The following ITPR1 variants were observed in gnomAD, a reference collection of about 807,000 sequenced individuals.
ITPR1 encodes the protein inositol 1,4,5-trisphosphate receptor type 1.
ITPR1 carries 96 observed loss-of-function variants against 318.4 expected under a neutral mutation model. The observed-to-expected ratio is 0.30, with a 90% confidence interval of 0.26 to 0.36. The LOEUF is 0.36. Ranked by LOEUF, ITPR1 falls within the 10% of genes least tolerant of loss-of-function variation. ITPR1 has a pLI of 1.00. For synonymous variants in ITPR1, 1,312 were observed against 1,289.9 expected (o/e 1.02, Z -0.37); for missense variants, 2,440 against 3,460.2 (o/e 0.71, Z 7.40).
intron 44 of ITPR1, chr3:4,751,114 C>G (rs978709953): frequency 2.6e-5 from 4 of 152,636 alleles, no homozygotes; most frequent in African/African-American, 9.7e-5. Context: ...TCCATGCATC[C>G]TCCTTTGTCC....
chr3:4,736,454 C>A (rs1185926803), intron 44 of ITPR1, among the ~76,000 whole-genome samples: 1 of 152,242 alleles, frequency 6.6e-6, no homozygotes, highest in Admixed American at 6.5e-5. Flanking sequence ...AGCCAGCACC[C>A]TTGTGCCTTG....
intron 14 of ITPR1, 53 bp downstream of exon 14, chr3:4,661,140 G>C (rs555467678): frequency 1.9e-6 from 2 of 1,051,572 alleles, no homozygotes; most frequent in Non-Finnish European, 3.0e-6. Flanking sequence ...CCTAATGAAA[G>C]GGCTCCTTTG....
intron 4 of ITPR1, among the ~76,000 whole-genome samples, chr3:4,530,006 C>G (rs533393734): frequency 2.0e-5 from 3 of 152,278 alleles, no homozygotes; most frequent in Admixed American, 6.5e-5. Flanking sequence ...CTCTTAACAG[C>G]TACTCTAAAC....
chr3:4,822,172 C>G (rs2049770346), intron 60 of ITPR1, among the ~76,000 whole-genome samples: 1 of 152,182 alleles, frequency 6.6e-6, no homozygotes, highest in Non-Finnish European at 1.5e-5. Context: ...GGGTGGTAGA[C>G]ATGAGCTAAA....
chr3:4,624,735 A>G (rs1218283576), intron 4 of ITPR1, among the ~76,000 whole-genome samples: 2 of 151,376 alleles, frequency 1.3e-5, no homozygotes, highest in Non-Finnish European at 2.9e-5. Context: ...GTTGTTTATT[A>G]TAGTTTTATA....
chr3:4,555,694 C>T (rs2125007605), intron 4 of ITPR1, among the ~76,000 whole-genome samples: 1 of 152,186 alleles, frequency 6.6e-6, no homozygotes, highest in South Asian at 2.1e-4. Flanking sequence ...TGTAATCAGC[C>T]ATTCTCTGAG....
At chr3:4,763,757 C>A (rs527461465) in intron 44 of ITPR1, among the ~76,000 whole-genome samples, 1 of 152,374 alleles carries the variant, frequency 6.6e-6, no homozygotes, top group Non-Finnish European at 1.5e-5. Flanking sequence ...CTGGCCCTGT[C>A]TCATCTCATA....
At chr3:4,603,206 G>A (rs551292363) in intron 4 of ITPR1, among the ~76,000 whole-genome samples, 5 of 151,874 alleles carry the variant, frequency 3.3e-5, no homozygotes, top group Admixed American at 6.6e-5. Flanking sequence ...TTTACAGTCA[G>A]CTATAATTTT....
intron 44 of ITPR1, among the ~76,000 whole-genome samples, chr3:4,746,211 C>A (rs1269360876): frequency 1.3e-5 from 2 of 152,236 alleles, no homozygotes; most frequent in Non-Finnish European, 2.9e-5. Flanking sequence ...CTGGGCATTT[C>A]TCTCTTCCAC....
At position 4,811,276 on chromosome 3, in the gene ITPR1, A is replaced by G. The variant is rs2048927830; in HGVS notation, c.7284A>G (p.Leu2428=). The change falls in exon 56 of 62, where the codon TTA becomes TTG. Residue 2428 remains leucine (L), a synonymous_variant. Transcript: ENST00000649015. ...EFFYSLLLFD[L]VYREETLLNV... is the part of the protein sequence containing the mutation. The stretch of plus-strand genomic sequence containing the variant: ...GTTTGTTTTCAAAGCTTTTTGATTT[A>G]GTGTACAGAGAAGAGACTTTGCTTA... The G allele has an allele frequency of 6.4e-7, 1 of 1,567,526 alleles. No individual in the cohort carries two copies. Among genetic ancestry groups the G allele is most frequent in the African/African-American group, 1.4e-5 (1 of 72,734 alleles).
At chr3:4,767,686 T>C (rs746036506) in intron 45 of ITPR1, among the ~76,000 whole-genome samples, 7 of 152,214 alleles carry the variant, frequency 4.6e-5, no homozygotes, top group Non-Finnish European at 8.8e-5. Flanking sequence ...ATCTGGCTGA[T>C]GTTTAAAACA....
chr3:4,712,421 C>T (rs2041446562), intron 39 of ITPR1, among the ~76,000 whole-genome samples: 3 of 152,216 alleles, frequency 2.0e-5, no homozygotes, highest in African/African-American at 7.2e-5. Flanking sequence ...AGATCCATTC[C>T]TTACACCTCT....
At chr3:4,524,301 GTTTTT>G (rs56380229) in intron 4 of ITPR1, among the ~76,000 whole-genome samples, 7 of 73,488 alleles carry the variant, frequency 9.5e-5, no homozygotes, top group African/African-American at 2.2e-4. Flanking sequence ...ATACTTTGAC[GTTTTT>G]TTTTTTTTTT....
intron 4 of ITPR1, among the ~76,000 whole-genome samples, chr3:4,537,836 C>T (rs2084025854): frequency 1.3e-5 from 2 of 152,152 alleles, no homozygotes; most frequent in African/African-American, 2.4e-5. Context: ...TAAGCCACTA[C>T]GTTTTTGATT....
At chr3:4,728,073 A>G (rs968036344) in intron 42 of ITPR1, among the ~76,000 whole-genome samples, 1 of 152,244 alleles carries the variant, frequency 6.6e-6, no homozygotes, top group African/African-American at 2.4e-5. Context: ...AAGTTCCTCA[A>G]ATTAACAGGT....
intron 10 of ITPR1, among the ~76,000 whole-genome samples, chr3:4,648,355 C>A (rs182528136): frequency 2.0e-5 from 3 of 152,248 alleles, no homozygotes; most frequent in African/African-American, 7.2e-5. Flanking sequence ...ATTATAAACT[C>A]CTTGAGAGAC....
At chr3:4,794,922 C>T (rs1191878951) in intron 52 of ITPR1, 143 bp from the exon 53 acceptor site, 25 of 918,888 alleles carry the variant, frequency 2.7e-5, no homozygotes, top group Non-Finnish European at 4.0e-5. Context: ...AAGTTCCAAA[C>T]AAATGATCAT....
intron 44 of ITPR1, among the ~76,000 whole-genome samples, chr3:4,758,535 T>C (rs2045190132): frequency 6.6e-6 from 1 of 152,212 alleles, no homozygotes; most frequent in Admixed American, 6.5e-5. Context: ...AGGCCTGTCT[T>C]TTCCCCTGAA....
chr3:4,529,085 A>T (rs954462381), intron 4 of ITPR1, among the ~76,000 whole-genome samples: 1 of 152,128 alleles, frequency 6.6e-6, no homozygotes, highest in Non-Finnish European at 1.5e-5. Context: ...TATGAGATGC[A>T]TGTCTGAAGG....
Sources: gnomAD v4.1 joint callset for allele counts (sites outside exome capture counted in the v4.1 genomes callset) on GRCh38, gnomAD v4.1.1 for gene constraint, MANE v1.5 for transcripts, NCBI Gene and HGNC (gene_info 2026-07-23, HGNC 2026-07-21) for gene names.